The following XKR4 variants were observed in gnomAD, a reference collection of about 807,000 sequenced individuals.
XKR4 encodes XK-related protein 4.
XKR4 carries 12 observed loss-of-function variants against 53.9 expected under a neutral mutation model. The ratio of observed to expected loss-of-function variants is 0.22; its 90% CI spans 0.14 to 0.36. The LOEUF (loss-of-function observed/expected upper bound fraction) is 0.36. Ranked by LOEUF, XKR4 falls within the 10% of genes least tolerant of loss-of-function variation. XKR4 has a pLI of 1.00. For synonymous variants in XKR4, 354 were observed against 362.4 expected, an observed-to-expected ratio of 0.98 and a Z score of 0.26; for missense variants, 799 against 859.5, an observed-to-expected ratio of 0.93 and a Z score of 0.88.
chr8:55,103,070 G>C lies in XKR4; in HGVS notation c.582G>C (p.Thr194=). The change falls in exon 1 of 3, where the codon ACG becomes ACC. Residue 194 remains threonine (T), a synonymous_variant. Coordinates refer to ENST00000327381, the MANE Select transcript of XKR4 (RefSeq NM_052898.2). ...SCPQPGADCK[T]VVGGGSAAGE... ...CGCAGCCTGGAGCCGATTGCAAGAC[G>C]GTGGTCGGCGGTGGGTCTGCAGCCG... 1 of 1,612,890 alleles carries C rather than the reference G, an allele frequency of 6.2e-7. No homozygotes were observed. Among genetic ancestry groups the C allele is most frequent in the Non-Finnish European group, 8.5e-7 (1 of 1,179,756 alleles).
rs889735654 is a variant in XKR4, at chr8:55,540,072, T to C, written c.*15845T>C. 1.3e-5 allele frequency: 2 copies of C among 152,204 alleles called. No homozygotes were observed. The highest frequency in any genetic ancestry group is 2.9e-5 in the Non-Finnish European group (2 of 68,034). The allele number at this position is 152,204 out of a possible 1,614,324, so 9.4% of individuals were successfully genotyped here. A position where few individuals can be genotyped will look rare whatever the true frequency, so the allele number is the denominator to read the frequency against. On this transcript the variant is annotated 3_prime_UTR_variant, in exon 3 of 3. Transcript: ENST00000327381. ...TCTCATCACTGGAAGAAAGGAGACT[T>C]CAGCCTCTTTTCAAGGCTTTCCAGA...
intron 2 of XKR4, chr8:55,451,757 G>A: frequency 1.8e-6 from 2 of 1,137,540 alleles, no homozygotes; most frequent in Admixed American, 1.8e-5. Flanking sequence ...GCCCGGCTCA[G>A]GCGGCTGCTC....
At chr8:55,347,700 TC>T (rs1229412071) in intron 1 of XKR4, among the ~76,000 whole-genome samples, 1 of 152,218 alleles carries the variant, frequency 6.6e-6, no homozygotes. Context: ...ATCGGGAACA[TC>T]TCCCATTAGC....
chr8:55,449,672 GCCTCCA>G (rs139101980), intron 2 of XKR4: 16 of 894,220 alleles, frequency 1.8e-5, no homozygotes, highest in Non-Finnish European at 2.9e-5. Flanking sequence ...AGGTGCCACA[GCCTCCA>G]CCTCCACCTC....
intron 2 of XKR4, among the ~76,000 whole-genome samples, chr8:55,500,074 G>T (rs1806412544): frequency 6.6e-6 from 1 of 151,716 alleles, no homozygotes. Flanking sequence ...TGGTTTTACT[G>T]CCTGAAAGGT....
At chr8:55,388,850 A>G (rs530581108) in intron 2 of XKR4, among the ~76,000 whole-genome samples, 19 of 152,314 alleles carry the variant, frequency 1.2e-4, no homozygotes, top group East Asian at 1.2e-3. Flanking sequence ...ATTTAATGAC[A>G]CGTAATTGAT....
At chr8:55,292,473 A>G (rs1819044026) in intron 1 of XKR4, among the ~76,000 whole-genome samples, 1 of 152,026 alleles carries the variant, frequency 6.6e-6, no homozygotes, top group African/African-American at 2.4e-5. Flanking sequence ...TATGGATTTG[A>G]TGTCTGTGGG....
rs61454234 is a variant in XKR4, at chr8:55,375,716, C to CTT, written c.1006+17849_1006+17850dup. Among the ~76,000 whole-genome samples the CTT allele has an allele frequency of 2.1e-3, 307 of 148,692 alleles. 2 individuals are homozygous for CTT. The highest frequency in any genetic ancestry group is 0.01 in the South Asian group (49 of 4,710). On this transcript the variant is annotated intron_variant, in intron 2 of 2. Coordinates refer to ENST00000327381, the MANE Select transcript of XKR4 (RefSeq NM_052898.2). Reference sequence around the variant, plus strand: ...AAATAAGATACATTTTCTTCTTTTTCTTTTTTTTTTTAAATATATTTTTTA... The same window carrying CTT: ...AAATAAGATACATTTTCTTCTTTTTCTTTTTTTTTTTTTAAATATATTTTTTA...
chr8:55,422,718 T>C (rs1487420888), intron 2 of XKR4, among the ~76,000 whole-genome samples: 1 of 152,196 alleles, frequency 6.6e-6, no homozygotes, highest in Non-Finnish European at 1.5e-5. Flanking sequence ...CTTCAAGCAC[T>C]GGAATGATAG....
At chr8:55,110,372 G>A (rs1816214469) in intron 1 of XKR4, among the ~76,000 whole-genome samples, 1 of 152,178 alleles carries the variant, frequency 6.6e-6, no homozygotes, top group African/African-American at 2.4e-5. Context: ...AAGTTCTCAT[G>A]AAGTTAGTCT....
chr8:55,181,256 C>T (rs572996735), intron 1 of XKR4, among the ~76,000 whole-genome samples: 13 of 152,250 alleles, frequency 8.5e-5, no homozygotes, highest in African/African-American at 3.1e-4. Context: ...CTAATATCAT[C>T]GTTTCTTTCT....
chr8:55,454,840 C>G, intron 2 of XKR4: 2 of 762,970 alleles, frequency 2.6e-6, no homozygotes, highest in Non-Finnish European at 4.9e-6. Flanking sequence ...CCTCCCTCAT[C>G]CTCCTCTTCC....
intron 2 of XKR4, among the ~76,000 whole-genome samples, chr8:55,375,553 C>A (rs1804133515): frequency 6.6e-6 from 1 of 152,180 alleles, no homozygotes; most frequent in Non-Finnish European, 1.5e-5. Context: ...CCTGTCCTCT[C>A]ACCCAGGCTG....
chr8:55,156,215 G>A (rs1816904387), intron 1 of XKR4, among the ~76,000 whole-genome samples: 1 of 151,914 alleles, frequency 6.6e-6, no homozygotes, highest in Admixed American at 6.6e-5. Flanking sequence ...ATTTGGTGGG[G>A]GGCGGGGAGG....
Position 55,169,012 on chromosome 8 carries a change from T to G in XKR4, c.806+65718T>G, listed in dbSNP as rs536478919. 5.3e-5 allele frequency among the ~76,000 whole-genome samples: 8 copies of G among 152,340 alleles called. No homozygotes were observed. The South Asian group carries it at 1.7e-3, about 32-fold the overall frequency. ...TTTCAGAAATTGATAGGTTTATTTGTTTCAAATCATGTTCTTTTAAAAATA... is the reference window on the plus strand; with the variant it reads ...TTTCAGAAATTGATAGGTTTATTTGGTTCAAATCATGTTCTTTTAAAAATA... On this transcript the variant is annotated intron_variant, in intron 1 of 2. Coordinates refer to ENST00000327381, the MANE Select transcript of XKR4 (RefSeq NM_052898.2).
chr8:55,350,929 T>C (rs1585533753), intron 1 of XKR4, among the ~76,000 whole-genome samples: 2 of 151,922 alleles, frequency 1.3e-5, no homozygotes, highest in Admixed American at 1.3e-4. Flanking sequence ...TTGGTAGAGA[T>C]GGGGTTTCAC....
intron 2 of XKR4, among the ~76,000 whole-genome samples, chr8:55,514,831 T>G (rs1806687329): frequency 6.6e-6 from 1 of 152,236 alleles, no homozygotes; most frequent in South Asian, 2.1e-4. Flanking sequence ...TATGTAGTAC[T>G]GAACAAAGAA....
rs565688140 is a variant in XKR4, at chr8:55,487,325, A to G, written c.1007-35956A>G. On this transcript the variant is annotated intron_variant, in intron 2 of 2. Coordinates refer to ENST00000327381, the MANE Select transcript of XKR4 (RefSeq NM_052898.2). ...CTTTATTTGTTCTCTATGAGCCCAC[A>G]GTCAGTTGGCTGGTGCCCACCAAAA... 2.0e-5 allele frequency among the ~76,000 whole-genome samples: 3 copies of G among 152,344 alleles called. No homozygotes were observed. In the East Asian group the frequency reaches 5.8e-4, roughly 29 times the overall value.
In XKR4 at chr8:55,533,909, A is replaced by T. The variant is rs1806990210; in HGVS notation, c.*9682A>T. Reference sequence around the variant, plus strand: ...CTGCTTCTTATGGCTCACGCTATGAATATTCACCTGCTTCATTTGTTTTTT... The same window carrying T: ...CTGCTTCTTATGGCTCACGCTATGATTATTCACCTGCTTCATTTGTTTTTT... On this transcript the variant is annotated 3_prime_UTR_variant, in exon 3 of 3. Transcript: ENST00000327381. 6.6e-6 allele frequency: 1 copy of T among 152,204 alleles called. No individual in the cohort carries two copies. Among genetic ancestry groups the T allele is most frequent in the Non-Finnish European group, 1.5e-5 (1 of 68,036 alleles). 9.4% of individuals were successfully genotyped at this position (152,204 alleles called of 1,614,324 possible). A position where few individuals can be genotyped will look rare whatever the true frequency, so the allele number is the denominator to read the frequency against.
Sources: gnomAD v4.1 joint callset for allele counts (sites outside exome capture counted in the v4.1 genomes callset) on GRCh38, gnomAD v4.1.1 for gene constraint, MANE v1.5 for transcripts, NCBI Gene and HGNC (gene_info 2026-07-23, HGNC 2026-07-21) for gene names.